The following RPL5 variants were observed in gnomAD, a reference collection of about 807,000 sequenced individuals.
RPL5 encodes ribosomal protein L5, also known as large ribosomal subunit protein uL18.
RPL5 carries 1 observed loss-of-function variant against 38.4 expected under a neutral mutation model. That is an observed-to-expected ratio of 0.03 (90% CI 0.01 to 0.12). The LOEUF (loss-of-function observed/expected upper bound fraction) is 0.12. RPL5 is among the 10% of genes least tolerant of loss of function. RPL5 has a pLI of 1.00. For synonymous variants in RPL5, 109 were observed against 121.2 expected (o/e 0.90, Z 0.66); for missense variants, 243 against 374.1 (o/e 0.65, Z 2.89).
At chr1:92,832,906 T>C (rs1457473798) in intron 1 of RPL5, 2 of 673,724 alleles carry the variant, frequency 3.0e-6, no homozygotes, top group Non-Finnish European at 5.4e-6. Context: ...GAGAGGTACG[T>C]AGTTGTTATT....
Position 92,836,215 on chromosome 1 carries a change from A to G in RPL5, c.350A>G (p.Lys117Arg). ...RRLLNRFGMD[K>R]IYEGQVEVTG... ...CTTCTCAATAGGTTTGGCATGGACA[A>G]GATCTATGAAGGCCAAGTGGAGGTG... Residue 117 changes from lysine to arginine, a missense_variant, in exon 5 of 8, where the codon AAG (lysine) becomes AGG (arginine). Transcript: ENST00000370321. 7.4e-6 allele frequency: 12 copies of G among 1,612,816 alleles called. No individual in the cohort carries two copies. Among genetic ancestry groups the G allele is most frequent in the Non-Finnish European group, 9.3e-6 (11 of 1,179,882 alleles).
At chr1:92,832,731 GTT>G (rs1365160831) in intron 1 of RPL5, 1 of 439,540 alleles carries the variant, frequency 2.3e-6, no homozygotes, top group African/African-American at 2.0e-5. Flanking sequence ...CGCCGGATGA[GTT>G]TTTAATTATT....
At chr1:92,832,242 C>G in intron 1 of RPL5, 125 bp downstream of exon 1, 3 of 1,477,642 alleles carry the variant, frequency 2.0e-6, no homozygotes, top group South Asian at 2.4e-5. Context: ...CTAGCTCTGA[C>G]TTGGTCGAGG....
In RPL5 at chr1:92,834,077, CAG is replaced by C. The variant is rs1687022229; in HGVS notation, c.189+420_189+421del. The C allele has an allele frequency of 6.6e-5, 17 of 257,326 alleles. No homozygotes were observed. The South Asian group carries it at 8.0e-4, about 12-fold the overall frequency. The allele number at this position is 257,326 out of a possible 1,614,324, so 15.9% of individuals were successfully genotyped here. Reference sequence around the variant, plus strand: ...ACACCCAGCCCTCCAACCTAGGTGACAGAGCAAGACACTGAAACCTAGTTTAT... The same window carrying C: ...ACACCCAGCCCTCCAACCTAGGTGACAGCAAGACACTGAAACCTAGTTTAT... On this transcript the variant is annotated intron_variant, in intron 3 of 7. Transcript: ENST00000370321.
intron 4 of RPL5, among the ~76,000 whole-genome samples, chr1:92,835,973 TAAAAC>T (rs1380696063): frequency 2.6e-5 from 4 of 152,148 alleles, no homozygotes; most frequent in East Asian, 1.9e-4. Context: ...GCAAAAGTCA[TAAAAC>T]AAAATTGTTT....
intron 3 of RPL5, 62 bp from the exon 4 acceptor site, chr1:92,834,717 A>AT: frequency 6.2e-7 from 1 of 1,600,794 alleles, no homozygotes; most frequent in East Asian, 2.2e-5. Context: ...TTGAAAAATA[A>AT]TTAAGATGTA....
intron 4 of RPL5, among the ~76,000 whole-genome samples, chr1:92,835,988 T>G (rs1687109512): frequency 6.6e-6 from 1 of 152,222 alleles, no homozygotes; most frequent in South Asian, 2.1e-4. Flanking sequence ...CAAAATTGTT[T>G]CAAGTGAAAT....
At chr1:92,832,428 G>A (rs556679504) in intron 1 of RPL5, among the ~76,000 whole-genome samples, 10 of 152,344 alleles carry the variant, frequency 6.6e-5, no homozygotes, top group South Asian at 2.1e-4. Context: ...GCAAGCGGCC[G>A]GGCGTGAGAG....
In RPL5 at chr1:92,833,631, C is replaced by T. The variant is rs764649729; in HGVS notation, c.160C>T (p.Arg54Cys). The T allele has an allele frequency of 2.5e-6, 4 of 1,611,936 alleles. No homozygotes were observed. The highest frequency in any genetic ancestry group is 3.4e-6 in the Non-Finnish European group (4 of 1,179,788). The stretch of plus-strand genomic sequence containing the variant: ...CACACCCAAATACAGGATGATAGTT[C>T]GTGTGACAAACAGAGATATCATTTG... The part of the protein sequence containing the change: ...YNTPKYRMIV[R>C]VTNRDIICQI... The change falls in exon 3 of 8, where the codon CGT becomes TGT. Residue 54 changes from arginine (R) to cysteine (C), a missense_variant. Arg to Cys is a radical substitution (Grantham distance 180). Coordinates refer to ENST00000370321, the MANE Select transcript of RPL5 (RefSeq NM_000969.5).
Position 92,834,883 on chromosome 1 carries a change from A to G in RPL5, c.294A>G (p.Ala98=), listed in dbSNP as rs1210827292. 11 of 1,603,584 alleles carry G rather than the reference A, an allele frequency of 6.9e-6. No individual in the cohort carries two copies. Among genetic ancestry groups the G allele is most frequent in the East Asian group, 6.7e-5 (3 of 44,894 alleles). ...TTGGCCTGACAAATTATGCTGCAGCATATTGTACTGGCCTGCTGCTGGCCC... is the reference window on the plus strand; with the variant it reads ...TTGGCCTGACAAATTATGCTGCAGCGTATTGTACTGGCCTGCTGCTGGCCC... ...VKVGLTNYAA[A]YCTGLLLARR... Residue 98 remains alanine, a synonymous_variant, in exon 4 of 8, where the codon GCA becomes GCG. Coordinates refer to ENST00000370321, the MANE Select transcript of RPL5 (RefSeq NM_000969.5).
chr1:92,834,982 T>C, intron 4 of RPL5, 69 bp downstream of exon 4: 1 of 1,592,112 alleles, frequency 6.3e-7, no homozygotes, highest in Non-Finnish European at 8.5e-7. Context: ...TGCAAGATGT[T>C]TGTACATGGA....
upstream of RPL5, chr1:92,832,032 G>C: frequency 1.9e-6 from 3 of 1,598,604 alleles, no homozygotes; most frequent in Non-Finnish European, 2.6e-6. Context: ...CTGCGCAAGG[G>C]CTGTGGCCCT....
rs1371044105 is a variant in RPL5 at position 92,832,042 on chromosome 1, T to C, written c.-73T>C. The stretch of plus-strand genomic sequence containing the variant: ...TGCGCCTGCGCAAGGGCTGTGGCCC[T>C]TTTCCCACCCCCTAGCGCCGCTGGG... On this transcript the variant is annotated 5_prime_UTR_variant, in exon 1 of 8. Coordinates refer to ENST00000370321, the MANE Select transcript of RPL5 (RefSeq NM_000969.5). 9 of 1,605,016 alleles carry C rather than the reference T, an allele frequency of 5.6e-6. No individual in the cohort carries two copies. In the African/African-American group the frequency reaches 6.7e-5, roughly 12 times the overall value.
chr1:92,832,017 T>C (rs1030470562), upstream of RPL5: 2 of 1,575,782 alleles, frequency 1.3e-6, no homozygotes, highest in Non-Finnish European at 1.7e-6. Context: ...CGCTACATAC[T>C]GCGCCTGCGC....
At chr1:92,837,090 A>G (rs1182180443) in intron 5 of RPL5, 1 of 344,578 alleles carries the variant, frequency 2.9e-6, no homozygotes, top group African/African-American at 2.1e-5. Flanking sequence ...TGACAATTTC[A>G]TTAACTGTGA....
chr1:92,841,884 A>AT lies in RPL5; in HGVS notation c.*25dup, dbSNP rs776722162. ...GAGCTAAACCCAGCAATTTTCTATGATTTTTTCAGATATAGATAATAAACT... is the reference window on the plus strand; with the variant it reads ...GAGCTAAACCCAGCAATTTTCTATGATTTTTTTCAGATATAGATAATAAACT... On this transcript the variant is annotated 3_prime_UTR_variant, in exon 8 of 8. Coordinates refer to ENST00000370321, the MANE Select transcript of RPL5 (RefSeq NM_000969.5). The AT allele has an allele frequency of 1.4e-5, 22 of 1,565,328 alleles. No homozygotes were observed. Among genetic ancestry groups the AT allele is most frequent in the South Asian group, 5.6e-5 (5 of 89,782 alleles).
chr1:92,837,761 T>C, intron 6 of RPL5, 128 bp downstream of exon 6: 1 of 759,122 alleles, frequency 1.3e-6, no homozygotes, highest in African/African-American at 1.7e-5. Context: ...CTTGTCAACA[T>C]TCTTTTAGTA....
chr1:92,837,712 A>G (rs954949068), intron 6 of RPL5, 79 bp downstream of exon 6: 1 of 1,140,134 alleles, frequency 8.8e-7, no homozygotes, highest in Non-Finnish European at 1.3e-6. Context: ...GGCAGGTAAC[A>G]TTCTTATATA....
chr1:92,832,236 C>T (rs1686935749), intron 1 of RPL5, 119 bp downstream of exon 1: 5 of 1,498,550 alleles, frequency 3.3e-6, no homozygotes, highest in East Asian at 4.8e-5. Flanking sequence ...AGATTGCTAG[C>T]TCTGACTTGG....
Sources: allele counts gnomAD v4.1 joint callset (sites outside exome capture counted in the v4.1 genomes callset), GRCh38; gene constraint gnomAD v4.1.1; transcripts MANE v1.5; gene names NCBI Gene and HGNC (gene_info 2026-07-23, HGNC 2026-07-21).